HERC2: variants seen among roughly 807,000 people sequenced by gnomAD.
The protein encoded by HERC2 is E3 ubiquitin-protein ligase HERC2.
HERC2 carries 102 observed loss-of-function variants against 537.7 expected under a neutral mutation model. The ratio of observed to expected loss-of-function variants is 0.19; its 90% CI spans 0.16 to 0.22. HERC2 has a LOEUF of 0.22. HERC2 is among the 10% of genes least tolerant of loss of function. The pLI is 1.00. For missense variants in HERC2, 4,236 were observed against 6,198.2 expected (o/e 0.68, Z 10.63); for synonymous variants, 2,224 against 2,466.2 (o/e 0.90, Z 2.91).
chr15:28,272,135 T>C (rs999503347), intron 9 of HERC2, 80 bp downstream of exon 9: 3 of 1,289,520 alleles, frequency 2.3e-6, no homozygotes, highest in Non-Finnish European at 3.2e-6. Flanking sequence ...AACACTGCCG[T>C]TGACATGCAT....
chr15:28,301,584 G>A (rs1238886665), intron 2 of HERC2, among the ~76,000 whole-genome samples: 2 of 148,596 alleles, frequency 1.3e-5, no homozygotes, highest in African/African-American at 4.9e-5. Flanking sequence ...GACACTGGGG[G>A]AAGGCATCCA....
chr15:28,295,500 A>T (rs895511854), intron 3 of HERC2, among the ~76,000 whole-genome samples: 2 of 152,118 alleles, frequency 1.3e-5, no homozygotes, highest in African/African-American at 4.8e-5. Flanking sequence ...CCCAAGTTCA[A>T]GTGATTCTCG....
rs538141426 is a variant in HERC2 at position 28,286,725 on chromosome 15, T to G, written c.322+6163A>C. Among the ~76,000 whole-genome samples the G allele has an allele frequency of 1.6e-4, 24 of 152,226 alleles. 1 individual carries two copies. Among genetic ancestry groups the G allele is most frequent in the Admixed American group, 1.3e-3 (20 of 15,282 alleles). ...GCAGAGAGAATCATTAAGAATGATT[T>G]AGATAGTTACTAAGAGTTTACTCCC... On this transcript the variant is annotated intron_variant, in intron 4 of 92. Transcript: ENST00000261609.
chr15:28,192,194 T>C (rs1268613251), intron 52 of HERC2, 43 bp from the exon 53 acceptor site: 14 of 1,509,302 alleles, frequency 9.3e-6, no homozygotes, highest in Non-Finnish European at 1.3e-5. Context: ...CTTGCTGAAC[T>C]GGGGAGAAAC....
Position 28,176,324 on chromosome 15 carries a change from G to A in HERC2, c.9686+104C>T. 1.0e-6 allele frequency: 1 copy of A among 978,260 alleles called. No individual in the cohort carries two copies. The highest frequency in any genetic ancestry group is 1.6e-6 in the Non-Finnish European group (1 of 642,284). 60.6% of individuals were successfully genotyped at this position (978,260 alleles called of 1,614,324 possible). On this transcript the variant is annotated intron_variant, in intron 63 of 92. Coordinates refer to ENST00000261609, the MANE Select transcript of HERC2 (RefSeq NM_004667.6). The surrounding 1 kb of genome is among the most constrained non-coding windows in gnomAD (Gnocchi z 5.0). Reference sequence around the variant, plus strand: ...ACAAAGATGCATGCATAAGTAAAAAGAGGACACGTCACAATCACGCCGGGT... The same window carrying A: ...ACAAAGATGCATGCATAAGTAAAAAAAGGACACGTCACAATCACGCCGGGT...
At position 28,144,693 on chromosome 15, in the gene HERC2, T is replaced by C. The variant is rs1374754922; in HGVS notation, c.11120A>G (p.Tyr3707Cys). Reference sequence around the variant, plus strand: ...CTTACCAGCAGCTGGCATGATGGGATAGACGGTGAAGCGCCAGCCCCAGCC... The same window carrying C: ...CTTACCAGCAGCTGGCATGATGGGACAGACGGTGAAGCGCCAGCCCCAGCC... ...VNGWGWRFTV[Y>C]PIMPAAGPKE... is the part of the protein sequence containing the mutation. The change falls in exon 72 of 93, where the codon TAT becomes TGT. Residue 3707 changes from tyrosine (Y) to cysteine (C), a missense_variant. Physicochemically the swap from Tyr to Cys is radical, Grantham distance 194. Transcript: ENST00000261609. 3 of 1,614,056 alleles carry C rather than the reference T, an allele frequency of 1.9e-6. No homozygotes were observed. The highest frequency in any genetic ancestry group is 1.7e-6 in the Non-Finnish European group (2 of 1,180,042).
At position 28,168,443 on chromosome 15, in the gene HERC2, G is replaced by A. The variant is rs1330444592; in HGVS notation, c.10377C>T (p.Asp3459=). ...EECMLAVDIE[D]RLSPNPWQEK... ...CTTGCCATGGATTTGGACTCAGTCT[G>A]TCTTCGATATCAACAGCCAGCATGC... Residue 3459 remains aspartate (D), a synonymous_variant, in exon 67 of 93, where the codon GAC becomes GAT. Transcript: ENST00000261609. 1.9e-6 allele frequency: 3 copies of A among 1,614,042 alleles called. No individual in the cohort carries two copies. The highest frequency in any genetic ancestry group is 1.7e-5 in the Admixed American group (1 of 60,000).
chr15:28,242,420 T>C (rs1903221937), intron 23 of HERC2, among the ~76,000 whole-genome samples: 2 of 152,222 alleles, frequency 1.3e-5, no homozygotes, highest in South Asian at 2.1e-4. Flanking sequence ...TACTACTGGA[T>C]CCATCAGCCA....
intron 92 of HERC2, among the ~76,000 whole-genome samples, chr15:28,112,627 C>G (rs1191397272): frequency 1.3e-5 from 2 of 152,186 alleles, no homozygotes; most frequent in African/African-American, 4.8e-5. Context: ...AGGCCATCCC[C>G]TCTCAGTGAC....
At chr15:28,143,834 G>A (rs1418665491) in intron 74 of HERC2, 39 bp downstream of exon 74, 4 of 1,612,652 alleles carry the variant, frequency 2.5e-6, no homozygotes, top group Non-Finnish European at 3.4e-6. Flanking sequence ...TATTCCCCAA[G>A]GGTCACAAAT....
At chr15:28,198,829 G>A in intron 48 of HERC2, 60 bp from the exon 49 acceptor site, 1 of 1,425,966 alleles carries the variant, frequency 7.0e-7, no homozygotes, top group Non-Finnish European at 9.7e-7. Context: ...AATGAGCCAT[G>A]ATAAGTAGTA....
chr15:28,210,579 C>T (rs1189951017), intron 44 of HERC2, among the ~76,000 whole-genome samples: 2 of 152,234 alleles, frequency 1.3e-5, no homozygotes, highest in East Asian at 3.9e-4. Flanking sequence ...GATGGCTACA[C>T]CAACTGAAAT....
chr15:28,280,228 C>T lies in HERC2; in HGVS notation c.382G>A (p.Val128Ile), dbSNP rs547492310. ...VLVKEQQALAVQSATTTLSAL... is the reference protein window; with the variant it reads ...VLVKEQQALAIQSATTTLSAL... ...GAGAGGGTGGTGGTGGCTGACTGGACGGCCAGGGCCTGCTGCTCTTTAACC... is the reference window on the plus strand; with the variant it reads ...GAGAGGGTGGTGGTGGCTGACTGGATGGCCAGGGCCTGCTGCTCTTTAACC... Residue 128 changes from valine to isoleucine, a missense_variant, in exon 5 of 93, where the codon GTC becomes ATC. Physicochemically the swap from Val to Ile is conservative, Grantham distance 29 (BLOSUM62 3). Around this residue, in one of 27 missense-constraint regions of HERC2, gnomAD observed 491 missense variants for 559.3 expected, o/e 0.88. Coordinates refer to ENST00000261609, the MANE Select transcript of HERC2 (RefSeq NM_004667.6). The T allele has an allele frequency of 1.9e-6, 3 of 1,614,132 alleles. No individual in the cohort carries two copies. The highest frequency in any genetic ancestry group is 2.5e-6 in the Non-Finnish European group (3 of 1,180,004).
intron 2 of HERC2, among the ~76,000 whole-genome samples, chr15:28,300,110 C>T (rs866447776): frequency 6.6e-6 from 1 of 150,646 alleles, no homozygotes; most frequent in African/African-American, 2.4e-5. Context: ...AACACACACA[C>T]GTGCATGTGC....
intron 3 of HERC2, among the ~76,000 whole-genome samples, chr15:28,298,960 T>C (rs1315916583): frequency 6.6e-6 from 1 of 152,158 alleles, no homozygotes; most frequent in African/African-American, 2.4e-5. Flanking sequence ...CAACCAAGGA[T>C]CTTTTCAGAT....
chr15:28,135,623 T>C lies in HERC2; in HGVS notation c.12085A>G (p.Thr4029Ala), dbSNP rs560156561. ...ACATGCTGAATGGATTCAAGCAATG[T>C]TGGGGTGGACACCGACTCTGTCCCT... ...IGGTESVSTP[T>A]LLESIQHVFI... Residue 4029 changes from threonine (T) to alanine (A), a missense_variant, in exon 79 of 93, where the codon ACA (threonine) becomes GCA (alanine). This residue lies in a region of HERC2 where 43 missense variants were observed against 82.6 expected (regional missense o/e 0.52). Transcript: ENST00000261609. 4 of 1,614,204 alleles carry C rather than the reference T, an allele frequency of 2.5e-6. No individual in the cohort carries two copies. The highest frequency in any genetic ancestry group is 1.7e-5 in the Admixed American group (1 of 60,024).
At chr15:28,242,707 A>G (rs1903250851) in intron 23 of HERC2, among the ~76,000 whole-genome samples, 1 of 152,252 alleles carries the variant, frequency 6.6e-6, no homozygotes, top group Non-Finnish European at 1.5e-5. Context: ...TATCCATATG[A>G]CCAATATCAT....
chr15:28,119,582 T>G (rs1338301612), intron 86 of HERC2, among the ~76,000 whole-genome samples: 1 of 151,604 alleles, frequency 6.6e-6, no homozygotes, highest in Non-Finnish European at 1.5e-5. Flanking sequence ...GCCTCCCAAG[T>G]AGCTGGGACT....
chr15:28,298,108 C>T (rs1396442251), intron 3 of HERC2, among the ~76,000 whole-genome samples: 1 of 149,722 alleles, frequency 6.7e-6, no homozygotes, highest in Non-Finnish European at 1.5e-5. Flanking sequence ...GACACTGAAA[C>T]TGAAAAGGGA....
Sources: allele counts gnomAD v4.1 joint callset (sites outside exome capture counted in the v4.1 genomes callset), GRCh38; gene constraint gnomAD v4.1.1; regional missense constraint gnomAD v4.1.1; non-coding constraint Gnocchi (gnomAD v3.1); transcripts MANE v1.5; gene names NCBI Gene and HGNC (gene_info 2026-07-23, HGNC 2026-07-21).